HLCS: variants seen among roughly 807,000 people sequenced by gnomAD.
HLCS encodes the protein biotin--protein ligase.
HLCS carries 53 observed loss-of-function variants against 75.0 expected under a neutral mutation model. The ratio of observed to expected loss-of-function variants is 0.71; its 90% CI spans 0.57 to 0.89. The LOEUF (loss-of-function observed/expected upper bound fraction) is 0.89, where lower values mean the gene tolerates loss of function less well. Ranked by LOEUF, HLCS falls within the 40% of genes least tolerant of loss-of-function variation. HLCS has a pLI of 0.00. For synonymous variants in HLCS, 431 were observed against 428.6 expected (o/e 1.01, Z -0.07); for missense variants, 966 against 1,074.0 (o/e 0.90, Z 1.41).
chr21:36,897,955 T>A (rs2063336966), intron 5 of HLCS, among the ~76,000 whole-genome samples: 2 of 152,256 alleles, frequency 1.3e-5, no homozygotes, highest in African/African-American at 4.8e-5. Context: ...AAGATCTCAG[T>A]AAACACAGAT....
intron 5 of HLCS, among the ~76,000 whole-genome samples, chr21:36,921,577 G>A (rs1319681491): frequency 1.3e-5 from 2 of 152,214 alleles, no homozygotes; most frequent in Non-Finnish European, 2.9e-5. Flanking sequence ...GCCTCATGGT[G>A]GGTGAAACTG....
Position 36,763,461 on chromosome 21 carries a change from G to A in HLCS, c.2121+1551C>T, listed in dbSNP as rs535395112. ...CCTGGTAGTAAGCGTCCGTTTCAGC[G>A]ATGTGATGTAATACAGGAAACAGAG... On this transcript the variant is annotated intron_variant, in intron 8 of 10. Transcript: ENST00000674895. Among the ~76,000 whole-genome samples, 164 of 152,274 alleles carry A rather than the reference G, an allele frequency of 1.1e-3. 1 individual carries two copies. Among genetic ancestry groups the A allele is most frequent in the Non-Finnish European group, 1.2e-3 (79 of 68,016 alleles).
At chr21:36,914,508 C>A (rs112668822) in intron 5 of HLCS, among the ~76,000 whole-genome samples, 1 of 152,188 alleles carries the variant, frequency 6.6e-6, no homozygotes, top group Admixed American at 6.5e-5. Context: ...CAGGCTCAGA[C>A]GCTGAAAGGC....
At chr21:36,798,163 A>G (rs1229571482) in intron 6 of HLCS, among the ~76,000 whole-genome samples, 1 of 152,156 alleles carries the variant, frequency 6.6e-6, no homozygotes, top group African/African-American at 2.4e-5. Context: ...CCTGAGGCCC[A>G]ACGAGGAGGC....
At chr21:36,768,950 G>C (rs533780547) in intron 6 of HLCS, among the ~76,000 whole-genome samples, 13 of 152,246 alleles carry the variant, frequency 8.5e-5, no homozygotes, top group African/African-American at 2.9e-4. Context: ...CAGGGCTCTC[G>C]AGGTGATGGG....
intron 1 of HLCS, among the ~76,000 whole-genome samples, chr21:36,962,488 A>AT (rs1246742382): frequency 6.6e-6 from 1 of 152,108 alleles, no homozygotes; most frequent in African/African-American, 2.4e-5. Flanking sequence ...CGGGAAGTAC[A>AT]TTTAAAGATG....
At chr21:36,922,004 T>C (rs1173910408) in intron 5 of HLCS, among the ~76,000 whole-genome samples, 7 of 152,280 alleles carry the variant, frequency 4.6e-5, no homozygotes, top group Admixed American at 1.3e-4. Context: ...AATAAATATA[T>C]AAATGTATAT....
At chr21:36,959,309 G>A (rs938419436) in intron 2 of HLCS, among the ~76,000 whole-genome samples, 4 of 152,174 alleles carry the variant, frequency 2.6e-5, no homozygotes, top group Admixed American at 6.5e-5. Context: ...CCAGCCCCCT[G>A]CCACCTCAGC....
At chr21:36,845,295 C>G (rs1328408218) in intron 6 of HLCS, among the ~76,000 whole-genome samples, 1 of 152,134 alleles carries the variant, frequency 6.6e-6, no homozygotes, top group East Asian at 1.9e-4. Flanking sequence ...ATCCCGAATA[C>G]TGGGCTTCCT....
intron 6 of HLCS, among the ~76,000 whole-genome samples, chr21:36,794,783 A>G (rs2060977070): frequency 2.0e-5 from 3 of 152,092 alleles, no homozygotes; most frequent in African/African-American, 7.2e-5. Flanking sequence ...AACAAAGAGG[A>G]CCTGATGATG....
intron 6 of HLCS, among the ~76,000 whole-genome samples, chr21:36,815,544 G>A (rs1265865702): frequency 6.6e-6 from 1 of 152,198 alleles, no homozygotes; most frequent in Admixed American, 6.5e-5. Context: ...GAGAAACAGA[G>A]CAGTACGCTT....
chr21:36,958,941 G>T (rs1021442170), intron 2 of HLCS, among the ~76,000 whole-genome samples: 23 of 152,210 alleles, frequency 1.5e-4, no homozygotes, highest in Admixed American at 1.5e-3. Context: ...AAGTATTAGT[G>T]ATGACAGCTG....
intron 2 of HLCS, among the ~76,000 whole-genome samples, chr21:36,942,043 G>A (rs1280171514): frequency 6.6e-6 from 1 of 151,458 alleles, no homozygotes. Flanking sequence ...GTGGGAGCAG[G>A]CACCTGTAAT....
At chr21:36,970,828 T>G (rs562076645), upstream of HLCS, among the ~76,000 whole-genome samples, 32 of 151,872 alleles carry the variant, frequency 2.1e-4, no homozygotes, top group East Asian at 5.9e-3. Flanking sequence ...CCGTCTCTAT[T>G]AAAAAATACA....
chr21:36,930,510 C>CTTT, intron 4 of HLCS, 77 bp from the exon 5 acceptor site: 1 of 1,036,534 alleles, frequency 9.6e-7, no homozygotes, highest in South Asian at 1.7e-5. Context: ...TTTTCTTTTT[C>CTTT]TTTTTTTTTT....
chr21:36,873,259 A>C (rs574335516), intron 6 of HLCS, among the ~76,000 whole-genome samples: 3 of 152,272 alleles, frequency 2.0e-5, no homozygotes, highest in Non-Finnish European at 2.9e-5. Context: ...CTGGGACTAC[A>C]GGCGTGTACC....
upstream of HLCS, among the ~76,000 whole-genome samples, chr21:36,967,631 G>A (rs1190444670): frequency 6.6e-6 from 1 of 152,214 alleles, no homozygotes; most frequent in Non-Finnish European, 1.5e-5. Flanking sequence ...CCATCCAGTG[G>A]CTTCCTATTC....
At chr21:36,941,932 G>A (rs777812772) in intron 2 of HLCS, among the ~76,000 whole-genome samples, 7 of 151,914 alleles carry the variant, frequency 4.6e-5, no homozygotes, top group South Asian at 2.1e-4. Context: ...ACTTGAACCC[G>A]GGAGGCAGAG....
chr21:36,791,779 T>C (rs1223240158), intron 6 of HLCS, among the ~76,000 whole-genome samples: 1 of 152,070 alleles, frequency 6.6e-6, no homozygotes, highest in East Asian at 1.9e-4. Context: ...AGGGGCCTGT[T>C]TGCTGGACAC....
Sources: gnomAD v4.1 joint callset for allele counts (sites outside exome capture counted in the v4.1 genomes callset) on GRCh38, gnomAD v4.1.1 for gene constraint, MANE v1.5 for transcripts, NCBI Gene and HGNC (gene_info 2026-07-23, HGNC 2026-07-21) for gene names.